The following ANO8 variants were observed in gnomAD, a reference collection of about 807,000 sequenced individuals.
ANO8 encodes the protein anoctamin 8.
A neutral mutation model predicts 120.4 loss-of-function variants in ANO8; 67 were observed. The observed-to-expected ratio is 0.56, with a 90% CI of 0.46 to 0.68. The LOEUF is 0.68. ANO8 is among the 30% of genes least tolerant of loss of function. The pLI, the probability that ANO8 is intolerant of heterozygous loss-of-function variation, is 0.00. For synonymous variants in ANO8, 727 were observed against 759.2 expected, an observed-to-expected ratio of 0.96 and a Z score of 0.70; for missense variants, 1,526 against 1,737.6, an observed-to-expected ratio of 0.88 and a Z score of 2.16.
chr19:17,325,154 C>T lies in ANO8; in HGVS notation c.2894G>A (p.Arg965His), dbSNP rs1236937826. 8.7e-6 allele frequency: 14 copies of T among 1,613,444 alleles called. No individual in the cohort carries two copies. Among genetic ancestry groups the T allele is most frequent in the East Asian group, 2.2e-5 (1 of 44,868 alleles). Residue 965 changes from arginine (R) to histidine (H), a missense_variant, in exon 17 of 18, where the codon CGC (arginine) becomes CAC (histidine). Physicochemically the swap from Arg to His is conservative, Grantham distance 29. Around this residue, in one of 8 missense-constraint regions of ANO8, gnomAD observed 489 missense variants for 548.6 expected, o/e 0.89. Coordinates refer to ENST00000159087, the MANE Select transcript of ANO8 (RefSeq NM_020959.3). ...AGGHGPERPK[R>H]PGSLLAPNNV... is the part of the protein sequence containing the mutation. ...GTTGGGTGCCAGCAGGGACCCTGGG[C>T]GCTTGGGCCGTTCAGGCCCGTGGCC...
At position 17,330,052 on chromosome 19, in the gene ANO8, TC is replaced by T. The variant is rs761888464; in HGVS notation, c.1274-39del. Reference sequence around the variant, plus strand: ...GGGGGGAGTGAGGGGGCAGCCGCGGTCCCCCCAAGGGTGGCAGGGATCCCAA... The same window carrying T: ...GGGGGGAGTGAGGGGGCAGCCGCGGTCCCCCAAGGGTGGCAGGGATCCCAA... On this transcript the variant is annotated intron_variant, in intron 10 of 17. Transcript: ENST00000159087. 25 of 1,613,314 alleles carry T rather than the reference TC, an allele frequency of 1.5e-5. No homozygotes were observed. In the African/African-American group the frequency reaches 2.5e-4, roughly 16 times the overall value.
intron 5 of ANO8, among the ~76,000 whole-genome samples, chr19:17,332,054 C>A (rs1303319128): frequency 1.3e-5 from 2 of 150,472 alleles, no homozygotes; most frequent in Non-Finnish European, 2.9e-5. Context: ...CCTGCCTCAG[C>A]CTCCCGAGTA....
chr19:17,325,292 C>T lies in ANO8; in HGVS notation c.2756G>A (p.Arg919Gln), dbSNP rs753388614. The T allele has an allele frequency of 1.6e-5, 25 of 1,606,732 alleles. No homozygotes were observed. The highest frequency in any genetic ancestry group is 9.3e-5 in the African/African-American group (7 of 74,940). Reference protein sequence around the residue: ...ERQRHAEHHARREHDSGGREE... With the variant: ...ERQRHAEHHAQREHDSGGREE... The stretch of plus-strand genomic sequence containing the variant: ...TCGGCCACCAGAATCATGCTCCCGC[C>T]GGGCATGGTGCTCTGCATGGCGCTG... The change falls in exon 17 of 18, where the codon CGG (arginine) becomes CAG (glutamine). Residue 919 changes from arginine to glutamine, a missense_variant. This residue lies in a region of ANO8 where 489 missense variants were observed against 548.6 expected (regional missense o/e 0.89). Coordinates refer to ENST00000159087, the MANE Select transcript of ANO8 (RefSeq NM_020959.3).
intron 1 of ANO8, 136 bp downstream of exon 1, chr19:17,334,429 G>A: frequency 3.8e-6 from 3 of 789,218 alleles, no homozygotes; most frequent in Non-Finnish European, 3.9e-6. Flanking sequence ...GGCCGCAGCC[G>A]CAGTGCCGGG....
rs544122035 is a variant in ANO8, at chr19:17,334,595, C to A, written c.76G>T (p.Glu26Ter). The A allele has an allele frequency of 6.5e-7, 1 of 1,548,082 alleles. No homozygotes were observed. Among genetic ancestry groups the A allele is most frequent in the Non-Finnish European group, 8.7e-7 (1 of 1,155,650 alleles). ...ACTCCGGACGCCGGGGCTGCAGGCT[C>A]GCCCTCCGGCGGGGGCCTCTTGCCA... Reference protein sequence around the residue: ...ERGKRPPPEGEPAAPASGVLD... With the variant: ...ERGKRPPPEG The change falls in exon 1 of 18, where the codon GAG becomes TAG. Residue 26 changes from glutamate (E) to a stop codon, truncating the protein, a stop_gained. Coordinates refer to ENST00000159087, the MANE Select transcript of ANO8 (RefSeq NM_020959.3). LOFTEE classifies it high-confidence loss of function.
chr19:17,333,661 TG>T lies in ANO8; in HGVS notation c.217+28del, dbSNP rs1568362942. ...GCTCAGGAGAGCCGCATCTGGGCACTGGGCGGGCGGGCGGGCGGGCTTGGGT... is the reference window on the plus strand; with the variant it reads ...GCTCAGGAGAGCCGCATCTGGGCACTGGCGGGCGGGCGGGCGGGCTTGGGT... On this transcript the variant is annotated intron_variant, in intron 2 of 17. Transcript: ENST00000159087. The surrounding 1 kb of genome is among the most constrained non-coding windows in gnomAD (Gnocchi z 7.2). The T allele has an allele frequency of 1.4e-5, 3 of 207,036 alleles. No individual in the cohort carries two copies. The highest frequency in any genetic ancestry group is 2.0e-5 in the Non-Finnish European group (3 of 153,630). 12.8% of individuals were successfully genotyped at this position (207,036 alleles called of 1,614,324 possible).
At chr19:17,324,638 C>A (rs2074260520) in intron 17 of ANO8, 79 bp downstream of exon 17, 2 of 1,501,894 alleles carry the variant, frequency 1.3e-6, no homozygotes, top group Non-Finnish European at 1.8e-6. Context: ...CCCCTTCAGC[C>A]CCTCTCCCCA....
chr19:17,323,950 C>T (rs1372950968), intron 17 of ANO8, 66 bp from the exon 18 acceptor site: 3 of 1,076,846 alleles, frequency 2.8e-6, no homozygotes, highest in African/African-American at 3.4e-5. Flanking sequence ...GGGCTGGCAA[C>T]CCTGCCCGCG....
intron 7 of ANO8, 29 bp from the exon 8 acceptor site, chr19:17,331,018 T>C (rs773830207): frequency 1.9e-6 from 3 of 1,613,802 alleles, no homozygotes; most frequent in Admixed American, 1.7e-5. Context: ...AGTTGAGTCA[T>C]TGTTTGTGCC....
chr19:17,330,436 G>A lies in ANO8; in HGVS notation c.1062C>T (p.Leu354=). 2 of 1,570,610 alleles carry A rather than the reference G, an allele frequency of 1.3e-6. No individual in the cohort carries two copies. The highest frequency in any genetic ancestry group is 1.4e-5 in the African/African-American group (1 of 73,886). The change falls in exon 9 of 18, where the codon CTC becomes CTT. Residue 354 remains leucine, a synonymous_variant. Transcript: ENST00000159087. ...EFYYPPWKRL[L]FQLLVSLPLC... ...GGGGGAGGCTCACAAGCAGCTGGAA[G>A]AGCAGCCGCTTCCAGGGCGGGTAGT...
chr19:17,333,611 A>C lies in ANO8; in HGVS notation c.218-57T>G. On this transcript the variant is annotated intron_variant, in intron 2 of 17. Coordinates refer to ENST00000159087, the MANE Select transcript of ANO8 (RefSeq NM_020959.3). This position sits in a 1 kb window ranked among gnomAD's most constrained non-coding sequence, Gnocchi z 7.2. ...GCCACGAGGGGGCCCAAGGCCTCCT[A>C]CGTATTCCCGTTCTGGGAAGCCGAG... 2 of 1,398,616 alleles carry C rather than the reference A, an allele frequency of 1.4e-6. No homozygotes were observed. Among genetic ancestry groups the C allele is most frequent in the Non-Finnish European group, 1.9e-6 (2 of 1,053,600 alleles). 86.6% of individuals were successfully genotyped at this position (1,398,616 alleles called of 1,614,324 possible).
Position 17,323,421 on chromosome 19 carries a change from C to T in ANO8, c.*96G>A. ...GGGGGGCACCGACCAATACTGGGGG[C>T]CCTCGGGGGCTGAAGCGCATTTTGC... On this transcript the variant is annotated 3_prime_UTR_variant, in exon 18 of 18. Transcript: ENST00000159087. 3.2e-6 allele frequency: 4 copies of T among 1,231,834 alleles called. No homozygotes were observed. The highest frequency in any genetic ancestry group is 4.1e-6 in the Non-Finnish European group (4 of 969,628). 76.3% of individuals were successfully genotyped at this position (1,231,834 alleles called of 1,614,324 possible). A position where few individuals can be genotyped will look rare whatever the true frequency, so the allele number is the denominator to read the frequency against.
In ANO8 at chr19:17,328,733, GC is replaced by G; in HGVS notation, c.1654del (p.Ala552ArgfsTer63). 7.4e-7 allele frequency: 1 copy of G among 1,347,852 alleles called. No individual in the cohort carries two copies. The highest frequency in any genetic ancestry group is 9.5e-7 in the Non-Finnish European group (1 of 1,051,212). The allele number at this position is 1,347,852 out of a possible 1,614,324, so 83.5% of individuals were successfully genotyped here. On this transcript the variant is annotated frameshift_variant, in exon 13 of 18. Coordinates refer to ENST00000159087, the MANE Select transcript of ANO8 (RefSeq NM_020959.3). LOFTEE classifies it high-confidence loss of function. ...GRRCLSGGCGAPEEEEEAALV... is the reference protein window; with the variant it reads ...GRRCLSGGCGXPEEEEEAALV... The stretch of plus-strand genomic sequence containing the variant: ...CGCCGCCTCCTCCTCCTCCTCCGGC[GC>G]CCCGCAGCCCCCGCTGAGGCACCTG...
At chr19:17,327,657 G>A (rs777007317) in intron 14 of ANO8, 32 bp downstream of exon 14, 8 of 1,609,382 alleles carry the variant, frequency 5.0e-6, no homozygotes, top group South Asian at 1.1e-5. Flanking sequence ...CTCCCTCTGG[G>A]CCTCAGCTCG....
At chr19:17,327,996 G>A in intron 13 of ANO8, 116 bp from the exon 14 acceptor site, 1 of 1,444,168 alleles carries the variant, frequency 6.9e-7, no homozygotes. Flanking sequence ...CCCATCCTCA[G>A]CCAGCCCAGA....
rs776027037 is a variant in ANO8, at chr19:17,333,381, G to A, written c.350+41C>T. ...TTGGCACTTGGTAGAGCGGGGAGTC[G>A]GGTGGCAGGCTCAGCGAGAGGCCAG... On this transcript the variant is annotated intron_variant, in intron 3 of 17. Transcript: ENST00000159087. The surrounding 1 kb of genome is among the most constrained non-coding windows in gnomAD (Gnocchi z 7.2). 7 of 1,612,914 alleles carry A rather than the reference G, an allele frequency of 4.3e-6. No homozygotes were observed. The East Asian group carries it at 1.6e-4, about 36-fold the overall frequency.
chr19:17,330,766 A>C, intron 8 of ANO8, 62 bp downstream of exon 8: 1 of 1,552,282 alleles, frequency 6.4e-7, no homozygotes, highest in East Asian at 2.3e-5. Flanking sequence ...TTGCTCCTGC[A>C]GTGCCCCCCA....
In ANO8 at chr19:17,323,463, G is replaced by T; in HGVS notation, c.*54C>A. On this transcript the variant is annotated 3_prime_UTR_variant, in exon 18 of 18. Coordinates refer to ENST00000159087, the MANE Select transcript of ANO8 (RefSeq NM_020959.3). The stretch of plus-strand genomic sequence containing the variant: ...GCATTTTGCATTTTGGAGACCGGCC[G>T]CCCCTGTGAATGACTGATATTGCAT... The T allele has an allele frequency of 7.8e-7, 1 of 1,283,270 alleles. No individual in the cohort carries two copies. Among genetic ancestry groups the T allele is most frequent in the Non-Finnish European group, 9.9e-7 (1 of 1,013,454 alleles). 79.5% of individuals were successfully genotyped at this position (1,283,270 alleles called of 1,614,324 possible). A position where few individuals can be genotyped will look rare whatever the true frequency, so the allele number is the denominator to read the frequency against.
Position 17,324,697 on chromosome 19 carries a change from C to A in ANO8, c.3331+20G>T. The A allele has an allele frequency of 6.6e-7, 1 of 1,516,000 alleles. No homozygotes were observed. Among genetic ancestry groups the A allele is most frequent in the Non-Finnish European group, 8.8e-7 (1 of 1,134,060 alleles). 93.9% of individuals were successfully genotyped at this position (1,516,000 alleles called of 1,614,324 possible). ...CCAAAGCCGGCCCGGCGTCCCCACC[C>A]CCGAGTTAAAGCTTGTGACCTGAGC... On this transcript the variant is annotated intron_variant, in intron 17 of 17. Transcript: ENST00000159087.
Sources: allele counts gnomAD v4.1 joint callset (sites outside exome capture counted in the v4.1 genomes callset), GRCh38; gene constraint gnomAD v4.1.1; regional missense constraint gnomAD v4.1.1; non-coding constraint Gnocchi (gnomAD v3.1); transcripts MANE v1.5; gene names NCBI Gene and HGNC (gene_info 2026-07-23, HGNC 2026-07-21).